Variants in NPC1 observed in about 807,000 individuals in gnomAD.
The protein encoded by NPC1 is NPC intracellular cholesterol transporter 1, also known as Niemann-Pick C1 protein.
Under a neutral mutation model 140.4 loss-of-function variants are expected in NPC1, and 85 were observed. The ratio of observed to expected loss-of-function variants is 0.61; its 90% CI spans 0.51 to 0.72. NPC1 has a LOEUF of 0.72. NPC1 is among the 30% of genes least tolerant of loss of function. The pLI is 0.00. For synonymous variants in NPC1, 656 were observed against 624.8 expected (o/e 1.05, Z -0.74); for missense variants, 1,504 against 1,623.8 (o/e 0.93, Z 1.27).
downstream of NPC1, chr18:23,527,779 C>A: frequency 3.1e-6 from 5 of 1,605,736 alleles, no homozygotes; most frequent in Non-Finnish European, 4.3e-6. Context: ...CGTGTGTGAA[C>A]ATTGTGCCTT....
chr18:23,529,978 G>A (rs771589841), downstream of NPC1: 1 of 1,504,730 alleles, frequency 6.6e-7, no homozygotes, highest in South Asian at 1.1e-5. Flanking sequence ...CTAGTCTGTT[G>A]TAGCTGAATG....
chr18:23,524,310 C>A, downstream of NPC1: 1 of 1,487,142 alleles, frequency 6.7e-7, no homozygotes, highest in Non-Finnish European at 9.4e-7. Flanking sequence ...CCTGACTGTC[C>A]AGGGGCCTCG....
intron 3 of NPC1, chr18:23,516,064 T>C (rs887124629): frequency 2.5e-6 from 4 of 1,602,974 alleles, no homozygotes; most frequent in Non-Finnish European, 3.4e-6. Context: ...AGCATCCTAA[T>C]GTGTCAGGCA....
At position 23,533,495 on chromosome 18, in the gene NPC1, G is replaced by GT. The variant is rs886041356; in HGVS notation, c.3613dup (p.Thr1205AsnfsTer53). ...CAACACCACAATCCCTCCAAATTTTGTAAGTGTGATTCCACTGAACACCTA... is the reference window on the plus strand; with the variant it reads ...CAACACCACAATCCCTCCAAATTTTGTTAAGTGTGATTCCACTGAACACCTA... On this transcript the variant is annotated frameshift_variant, in exon 24 of 25. Transcript: ENST00000269228. LOFTEE classifies it high-confidence loss of function. 1.2e-6 allele frequency: 2 copies of GT among 1,614,198 alleles called. No individual in the cohort carries two copies. Among genetic ancestry groups the GT allele is most frequent in the South Asian group, 1.1e-5 (1 of 91,086 alleles).
intron 3 of NPC1, among the ~76,000 whole-genome samples, chr18:23,513,707 G>A (rs987935218): frequency 1.3e-5 from 2 of 151,778 alleles, no homozygotes; most frequent in Non-Finnish European, 2.9e-5. Context: ...AACACTTGCT[G>A]TTTTGTTTTG....
In NPC1 at chr18:23,531,481, A is replaced by G. The variant is rs2145317225; in HGVS notation, c.*721T>C. On this transcript the variant is annotated 3_prime_UTR_variant, in exon 25 of 25. Coordinates refer to ENST00000269228, the MANE Select transcript of NPC1 (RefSeq NM_000271.5). ...CTTTTGTATTTGTCTCTCAAAGCAG[A>G]TAGGGTAACCCCAAAACTTAGGAAA... is the stretch of plus-strand genomic sequence containing the variant. 1.4e-6 allele frequency: 2 copies of G among 1,443,250 alleles called. No individual in the cohort carries two copies. The highest frequency in any genetic ancestry group is 9.1e-7 in the Non-Finnish European group (1 of 1,102,356). The allele number at this position is 1,443,250 out of a possible 1,614,324, so 89.4% of individuals were successfully genotyped here.
rs369985476 is a variant in NPC1 at position 23,538,676 on chromosome 18, C to T, written c.2912-5G>A. On this transcript the variant is annotated splice_region_variant and splice_polypyrimidine_tract_variant and intron_variant, in intron 19 of 24. Transcript: ENST00000269228. Reference sequence around the variant, plus strand: ...GAACGCAGGCAGGGTCAACCACTGGCGGAGACATGCAGGGAGGACTGTTAG... The same window carrying T: ...GAACGCAGGCAGGGTCAACCACTGGTGGAGACATGCAGGGAGGACTGTTAG... 83 of 1,613,834 alleles carry T rather than the reference C, an allele frequency of 5.1e-5. 3 individuals are homozygous for T. Among genetic ancestry groups the T allele is most frequent in the South Asian group, 4.7e-4 (43 of 91,074 alleles).
At chr18:23,536,168 T>C (rs975596281) in intron 21 of NPC1, among the ~76,000 whole-genome samples, 7 of 152,156 alleles carry the variant, frequency 4.6e-5, no homozygotes, top group African/African-American at 7.2e-5. Context: ...AGCGAGATCA[T>C]GGGGAGGCAG....
rs969498640 is a variant in NPC1 at position 23,538,624 on chromosome 18, T to G, written c.2959A>C (p.Lys987Gln). 7 of 1,614,050 alleles carry G rather than the reference T, an allele frequency of 4.3e-6. No individual in the cohort carries two copies. Among genetic ancestry groups the G allele is most frequent in the African/African-American group, 2.7e-5 (2 of 74,938 alleles). The part of the protein sequence containing the change: ...VRCRPLTPEG[K>Q]QRPQGGDFMR... ...AAGTCTCCCCCCTGAGGCCTCTGTT[T>G]GCCTTCCGGAGTCAGAGGCCTGCAG... Residue 987 changes from lysine to glutamine, a missense_variant, in exon 20 of 25, where the codon AAA becomes CAA. Lys to Gln is a moderately conservative substitution (Grantham distance 53, BLOSUM62 1). Transcript: ENST00000269228.
At chr18:23,578,102 G>A (rs1056772386) in intron 1 of NPC1, among the ~76,000 whole-genome samples, 3 of 152,238 alleles carry the variant, frequency 2.0e-5, no homozygotes, top group Admixed American at 6.5e-5. Context: ...GGACTGAAGG[G>A]CTCCTCAAAT....
intron 1 of NPC1, among the ~76,000 whole-genome samples, chr18:23,576,083 T>C (rs1231056707): frequency 2.6e-5 from 4 of 151,524 alleles, no homozygotes; most frequent in Non-Finnish European, 5.9e-5. Flanking sequence ...ATTAGCCAGG[T>C]GTGGGGGGTG....
At chr18:23,548,923 G>A (rs1329333720) in intron 10 of NPC1, among the ~76,000 whole-genome samples, 1 of 151,726 alleles carries the variant, frequency 6.6e-6, no homozygotes, top group African/African-American at 2.4e-5. Flanking sequence ...CCCAGTAGCT[G>A]GGACTAAAGG....
intron 24 of NPC1, 99 bp downstream of exon 24, chr18:23,533,256 T>C: frequency 8.1e-7 from 1 of 1,230,104 alleles, no homozygotes; most frequent in Non-Finnish European, 1.2e-6. Flanking sequence ...AAATGACCAT[T>C]AGTATGAGTT....
At chr18:23,506,994 G>C (rs1310179271) in intron 3 of NPC1, 1 of 1,608,830 alleles carries the variant, frequency 6.2e-7, no homozygotes, top group Non-Finnish European at 8.5e-7. Flanking sequence ...GAGAAGTGAA[G>C]TGCATTAAGT....
At chr18:23,520,305 C>G (rs993594786), downstream of NPC1, 1 of 1,612,988 alleles carries the variant, frequency 6.2e-7, no homozygotes, top group Admixed American at 1.7e-5. Flanking sequence ...TATCAGATCC[C>G]CATCACAGGT....
At chr18:23,532,695 C>CTTTTTTTTTTTTTTTTTTTTTTTTTTTT (rs61493442) in intron 24 of NPC1, among the ~76,000 whole-genome samples, 1 of 136,840 alleles carries the variant, frequency 7.3e-6, no homozygotes, top group Non-Finnish European at 1.5e-5. Flanking sequence ...GTGCTCATCT[C>CTTTTTTTTTTTTTTTTTTTTTTTTTTTT]TTTTTTTTTT....
chr18:23,509,551 A>C (rs1192250449), intron 3 of NPC1: 1 of 160,312 alleles, frequency 6.2e-6, no homozygotes, highest in Non-Finnish European at 1.3e-5. Flanking sequence ...TCTTTTTATT[A>C]TTTTATTTTA....
At chr18:23,544,865 A>C in intron 12 of NPC1, 95 bp downstream of exon 12, 1 of 920,382 alleles carries the variant, frequency 1.1e-6, no homozygotes. Context: ...GGCAGTTTTA[A>C]ACATAATGGA....
At chr18:23,575,928 C>G in intron 1 of NPC1, among the ~76,000 whole-genome samples, 1 of 151,090 alleles carries the variant, frequency 6.6e-6, no homozygotes, top group African/African-American at 2.4e-5. Context: ...CTCTTAAAAA[C>G]AACAACAACA....
Sources: gnomAD v4.1 joint callset for allele counts (sites outside exome capture counted in the v4.1 genomes callset) on GRCh38, gnomAD v4.1.1 for gene constraint, MANE v1.5 for transcripts, NCBI Gene and HGNC (gene_info 2026-07-23, HGNC 2026-07-21) for gene names.